Variants in SIL1 observed in about 807,000 individuals in gnomAD.
The protein encoded by SIL1 is nucleotide exchange factor SIL1.
A neutral mutation model predicts 49.1 loss-of-function variants in SIL1; 40 were observed. The ratio of observed to expected loss-of-function variants is 0.81; its 90% CI spans 0.63 to 1.06. The LOEUF is 1.06. Ranked by LOEUF, SIL1 falls within the 50% of genes least tolerant of loss-of-function variation. The pLI, the probability that SIL1 is intolerant of heterozygous loss-of-function variation, is 0.00. For missense variants in SIL1, 500 were observed against 572.6 expected (o/e 0.87, Z 1.29); for synonymous variants, 253 against 250.8 (o/e 1.01, Z -0.08).
chr5:139,137,212 T>C (rs889248775), intron 1 of SIL1: 8 of 644,484 alleles, frequency 1.2e-5, no homozygotes, highest in Middle Eastern at 5.0e-4. Flanking sequence ...TAGAGAACTT[T>C]CCATGTTGCA....
At chr5:139,161,635 T>G (rs1277731480) in intron 1 of SIL1, among the ~76,000 whole-genome samples, 1 of 152,174 alleles carries the variant, frequency 6.6e-6, no homozygotes, top group Non-Finnish European at 1.5e-5. Context: ...CCAATAACAT[T>G]TAGGACTCAA....
chr5:139,051,429 G>A (rs993355231), intron 3 of SIL1, among the ~76,000 whole-genome samples: 2 of 152,096 alleles, frequency 1.3e-5, no homozygotes, highest in South Asian at 2.1e-4. Flanking sequence ...CTACTTTACC[G>A]TCTCTTCCAT....
intron 6 of SIL1, chr5:139,022,536 T>C (rs913169429): frequency 6.6e-6 from 1 of 152,228 alleles, no homozygotes; most frequent in Admixed American, 6.5e-5. Context: ...GTTCAATGAA[T>C]AACTGTTGCA....
At chr5:139,061,006 G>A (rs1022441250) in intron 3 of SIL1, among the ~76,000 whole-genome samples, 4 of 152,194 alleles carry the variant, frequency 2.6e-5, no homozygotes, top group Non-Finnish European at 5.9e-5. Context: ...TCATCTGTAA[G>A]AAAACATGAA....
At chr5:139,154,138 T>A (rs1424279000) in intron 1 of SIL1, among the ~76,000 whole-genome samples, 2 of 152,230 alleles carry the variant, frequency 1.3e-5, no homozygotes, top group Non-Finnish European at 2.9e-5. Context: ...TCTTGGATGA[T>A]AACTTGGCAT....
At chr5:139,137,545 T>TA in intron 1 of SIL1, 1 of 490,890 alleles carries the variant, frequency 2.0e-6, no homozygotes, top group Non-Finnish European at 3.6e-6. Context: ...TTATTATTAT[T>TA]ATACTTTAAG....
At chr5:139,011,249 C>A (rs535865065) in intron 7 of SIL1, among the ~76,000 whole-genome samples, 2 of 151,842 alleles carry the variant, frequency 1.3e-5, no homozygotes, top group Non-Finnish European at 2.9e-5. Flanking sequence ...TCACCCCTTT[C>A]TTTGACTCGG....
chr5:139,197,205 T>G (rs1237030199), intron 1 of SIL1, among the ~76,000 whole-genome samples: 1 of 146,924 alleles, frequency 6.8e-6, no homozygotes, highest in East Asian at 2.0e-4. Flanking sequence ...GAGGCGGAGG[T>G]TGCTGTGAGT....
At chr5:139,034,540 A>G (rs1264368130) in intron 5 of SIL1, 1 of 152,198 alleles carries the variant, frequency 6.6e-6, no homozygotes, top group Non-Finnish European at 1.5e-5. Context: ...TATAATATAC[A>G]TAAGTAACAT....
At chr5:139,058,639 A>G (rs1769512761) in intron 3 of SIL1, among the ~76,000 whole-genome samples, 1 of 152,152 alleles carries the variant, frequency 6.6e-6, no homozygotes, top group African/African-American at 2.4e-5. Flanking sequence ...TGTTACTCAA[A>G]TTGTTTCAGC....
intron 5 of SIL1, chr5:139,032,757 G>A (rs936661270): frequency 4.6e-5 from 7 of 152,012 alleles, no homozygotes; most frequent in East Asian, 1.9e-4. Context: ...AGGACTACTC[G>A]TATTATTTCA....
chr5:138,996,995 C>T (rs112232823), intron 7 of SIL1, among the ~76,000 whole-genome samples: 40 of 152,290 alleles, frequency 2.6e-4, no homozygotes, highest in African/African-American at 8.4e-4. Flanking sequence ...TGCAGCAGCA[C>T]GATCACAGCT....
chr5:139,060,280 G>C (rs1005415066), intron 3 of SIL1, among the ~76,000 whole-genome samples: 1 of 149,292 alleles, frequency 6.7e-6, no homozygotes, highest in Non-Finnish European at 1.5e-5. Context: ...CTTTTTTTTT[G>C]TATAGTTACT....
chr5:138,952,184 C>T (rs540484685), intron 7 of SIL1, among the ~76,000 whole-genome samples: 12 of 152,372 alleles, frequency 7.9e-5, no homozygotes, highest in African/African-American at 2.6e-4. Context: ...AAAGACATTT[C>T]GATGCCGAAG....
chr5:138,969,993 G>A (rs1289108789), intron 7 of SIL1, among the ~76,000 whole-genome samples: 1 of 152,234 alleles, frequency 6.6e-6, no homozygotes, highest in Non-Finnish European at 1.5e-5. Context: ...CACACCCATG[G>A]CTGCAACAGT....
intron 3 of SIL1, among the ~76,000 whole-genome samples, chr5:139,063,277 A>G (rs1298803080): frequency 6.6e-6 from 1 of 152,188 alleles, no homozygotes; most frequent in Admixed American, 6.5e-5. Flanking sequence ...AAGCATGTGC[A>G]GTTACTCACT....
At position 139,153,580 on chromosome 5, in the gene SIL1, C is replaced by T. The variant is rs915196965; in HGVS notation, c.-10-25727G>A. Among the ~76,000 whole-genome samples, 11 of 152,316 alleles carry T rather than the reference C, an allele frequency of 7.2e-5. No individual in the cohort carries two copies. In the East Asian group the frequency reaches 2.1e-3, roughly 29 times the overall value. On this transcript the variant is annotated intron_variant, in intron 1 of 9. Coordinates refer to ENST00000394817, the MANE Select transcript of SIL1 (RefSeq NM_022464.5). ...TACACGCTTGCCACCACAACACCCA[C>T]TTGCCTCCACAGACCCCTCACATTT...
chr5:139,158,522 G>C (rs1581140201), intron 1 of SIL1, among the ~76,000 whole-genome samples: 2 of 152,300 alleles, frequency 1.3e-5, no homozygotes, highest in East Asian at 3.9e-4. Flanking sequence ...CTCGGATTTA[G>C]CAGTACCTGA....
At chr5:139,060,963 C>T (rs1454830687) in intron 3 of SIL1, among the ~76,000 whole-genome samples, 2 of 152,026 alleles carry the variant, frequency 1.3e-5, no homozygotes, top group East Asian at 1.9e-4. Context: ...GTCAAATGCC[C>T]ACAGGAGGCA....
Sources: allele counts gnomAD v4.1 joint callset (sites outside exome capture counted in the v4.1 genomes callset), GRCh38; gene constraint gnomAD v4.1.1; transcripts MANE v1.5; gene names NCBI Gene and HGNC (gene_info 2026-07-23, HGNC 2026-07-21).